The following ST7 variants were observed in gnomAD, a reference collection of about 807,000 sequenced individuals.
ST7 encodes suppressor of tumorigenicity 7 protein.
In ST7, 28 loss-of-function variants were observed where a neutral mutation model predicts 78.7. The observed-to-expected ratio is 0.36, with a 90% CI of 0.26 to 0.49. The LOEUF (loss-of-function observed/expected upper bound fraction) is 0.49, where lower values mean the gene tolerates loss of function less well. ST7 is among the 20% of genes least tolerant of loss of function. The probability of loss-of-function intolerance (pLI) is 0.99; values close to 1 mark genes in which losing one functional copy is unlikely to be tolerated. For missense variants in ST7, 418 were observed against 696.0 expected (o/e 0.60, Z 4.49); for synonymous variants, 247 against 249.6 (o/e 0.99, Z 0.10).
intron 1 of ST7, among the ~76,000 whole-genome samples, chr7:117,095,301 G>C (rs1800943643): frequency 6.6e-6 from 1 of 152,164 alleles, no homozygotes; most frequent in South Asian, 2.1e-4. Flanking sequence ...TCCTGAGTAA[G>C]CCTTCTGGTG....
In ST7 at chr7:117,002,813, C is replaced by CTTTTTTTT. The variant is rs397970060; in HGVS notation, c.151+49141_151+49148dup. 2.7e-3 allele frequency among the ~76,000 whole-genome samples: 195 copies of CTTTTTTTT among 72,146 alleles called. 2 individuals are homozygous for CTTTTTTTT. Among genetic ancestry groups the CTTTTTTTT allele is most frequent in the Non-Finnish European group, 3.1e-3 (130 of 42,290 alleles). 47.3% of individuals were successfully genotyped at this position (72,146 alleles called of 152,430 possible). A position where few individuals can be genotyped will look rare whatever the true frequency, so the allele number is the denominator to read the frequency against. On this transcript the variant is annotated intron_variant, in intron 1 of 15. Coordinates refer to ENST00000323984, the MANE Select transcript of ST7 (RefSeq NM_001369598.1). ...AGATGCATCTACTGAATTTTTTTTC[C>CTTTTTTTT]TTTTTTTTTTTTTTTTTTTTTTTTT...
At chr7:117,010,026 C>A (rs1795325094) in intron 1 of ST7, among the ~76,000 whole-genome samples, 1 of 152,156 alleles carries the variant, frequency 6.6e-6, no homozygotes, top group African/African-American at 2.4e-5. Context: ...TTAAGCAGAT[C>A]TTTTATTATG....
intron 1 of ST7, among the ~76,000 whole-genome samples, chr7:117,016,040 G>A (rs1795599528): frequency 6.6e-6 from 1 of 152,096 alleles, no homozygotes; most frequent in Admixed American, 6.5e-5. Context: ...TTAAAATATA[G>A]CTTTTAGGAG....
chr7:117,044,490 G>A (rs1382508423), intron 1 of ST7, among the ~76,000 whole-genome samples: 1 of 152,136 alleles, frequency 6.6e-6, no homozygotes, highest in African/African-American at 2.4e-5. Flanking sequence ...GGGAGTACAG[G>A]TGTGTGCCAC....
intron 10 of ST7, among the ~76,000 whole-genome samples, chr7:117,172,944 A>T (rs770765561): frequency 1.1e-4 from 17 of 152,254 alleles, no homozygotes; most frequent in Non-Finnish European, 1.8e-4. Flanking sequence ...ATTGTAAAAT[A>T]AAGAAATGGA....
intron 1 of ST7, among the ~76,000 whole-genome samples, chr7:117,011,651 G>C (rs946753317): frequency 6.6e-6 from 1 of 152,184 alleles, no homozygotes; most frequent in Non-Finnish European, 1.5e-5. Context: ...GCAGGACTCT[G>C]GGATGGGATT....
chr7:117,142,999 C>A (rs918227136), intron 9 of ST7, among the ~76,000 whole-genome samples: 1 of 152,116 alleles, frequency 6.6e-6, no homozygotes, highest in African/African-American at 2.4e-5. Context: ...CAGATTTGAC[C>A]AGCCTGGTTT....
At chr7:117,033,592 T>G (rs1486196979) in intron 1 of ST7, among the ~76,000 whole-genome samples, 1 of 151,988 alleles carries the variant, frequency 6.6e-6, no homozygotes, top group African/African-American at 2.4e-5. Flanking sequence ...CCCAGCTAAT[T>G]TTTGTATTTT....
intron 2 of ST7, among the ~76,000 whole-genome samples, chr7:117,101,264 G>A (rs1031913319): frequency 1.3e-5 from 2 of 152,110 alleles, no homozygotes; most frequent in African/African-American, 2.4e-5. Context: ...CGAGTTTCAG[G>A]GTCCCACTCT....
In ST7 at chr7:117,031,704, GTATATATGCA is replaced by G. The variant is rs1240705754; in HGVS notation, c.152-68032_152-68023del. 8.9e-4 allele frequency among the ~76,000 whole-genome samples: 91 copies of G among 102,284 alleles called. 43 individuals carry two copies. The highest frequency in any genetic ancestry group is 3.5e-3 in the African/African-American group (79 of 22,664). The allele number at this position is 102,284 out of a possible 152,430, so 67.1% of individuals were successfully genotyped here. A position where few individuals can be genotyped will look rare whatever the true frequency, so the allele number is the denominator to read the frequency against. ...TATATACACACATATGTATATATGT[GTATATATGCA>G]TATATATGCATATATATGCATATAT... is the stretch of plus-strand genomic sequence containing the variant. On this transcript the variant is annotated intron_variant, in intron 1 of 15. Transcript: ENST00000323984.
At chr7:117,031,852 CTA>C (rs766668022) in intron 1 of ST7, among the ~76,000 whole-genome samples, 629 of 19,386 alleles carry the variant, frequency 0.032, 56 homozygotes, top group African/African-American at 0.069. Flanking sequence ...ATATCTATAT[CTA>C]TATCTATCTA....
intron 12 of ST7, among the ~76,000 whole-genome samples, chr7:117,202,223 AAG>A: frequency 4.9e-5 from 1 of 20,602 alleles, no homozygotes; most frequent in African/African-American, 1.2e-4. Flanking sequence ...CGGCCTCCCA[AAG>A]TGCTGGGATT....
intron 9 of ST7, among the ~76,000 whole-genome samples, chr7:117,142,641 CTCTT>C (rs1165151191): frequency 6.6e-6 from 1 of 152,004 alleles, no homozygotes; most frequent in African/African-American, 2.4e-5. Context: ...GAGATGGGGT[CTCTT>C]TCTGTCTCCA....
chr7:117,116,976 A>C (rs1223260527), intron 2 of ST7, among the ~76,000 whole-genome samples: 1 of 152,194 alleles, frequency 6.6e-6, no homozygotes, highest in Non-Finnish European at 1.5e-5. Context: ...GGCACTTGGA[A>C]GTAAAGATTT....
At chr7:117,227,136 T>C (rs545274410) in intron 15 of ST7, among the ~76,000 whole-genome samples, 2 of 152,286 alleles carry the variant, frequency 1.3e-5, no homozygotes, top group East Asian at 3.9e-4. Context: ...TTGTAACATC[T>C]CCATTCATTC....
chr7:117,119,454 A>G (rs1803184907), intron 2 of ST7, 107 bp from the exon 3 acceptor site: 2 of 1,093,378 alleles, frequency 1.8e-6, no homozygotes, highest in African/African-American at 1.6e-5. Flanking sequence ...TTTTGAAATA[A>G]AATATACTTA....
chr7:117,075,769 A>G (rs1400995761), intron 1 of ST7, among the ~76,000 whole-genome samples: 1 of 152,226 alleles, frequency 6.6e-6, no homozygotes, highest in Non-Finnish European at 1.5e-5. Context: ...CTCAAAAATA[A>G]GAGAATTTCA....
chr7:117,156,050 C>T lies in ST7; in HGVS notation c.964-14812C>T, dbSNP rs185807290. Reference sequence around the variant, plus strand: ...TGCTATATTTAAAAATCACATCTGCCTGTGCTGTACCAACATTCACGAACC... The same window carrying T: ...TGCTATATTTAAAAATCACATCTGCTTGTGCTGTACCAACATTCACGAACC... On this transcript the variant is annotated intron_variant, in intron 9 of 15. Transcript: ENST00000323984. 1.4e-3 allele frequency among the ~76,000 whole-genome samples: 220 copies of T among 152,332 alleles called. 1 individual carries two copies. Among genetic ancestry groups the T allele is most frequent in the African/African-American group, 4.8e-3 (201 of 41,590 alleles).
chr7:117,079,783 C>T (rs1463523643), intron 1 of ST7, among the ~76,000 whole-genome samples: 1 of 151,942 alleles, frequency 6.6e-6, no homozygotes, highest in Non-Finnish European at 1.5e-5. Context: ...CCATGTAATT[C>T]TATCCTCCAA....
Sources: allele counts gnomAD v4.1 joint callset (sites outside exome capture counted in the v4.1 genomes callset), GRCh38; gene constraint gnomAD v4.1.1; transcripts MANE v1.5; gene names NCBI Gene and HGNC (gene_info 2026-07-23, HGNC 2026-07-21).